Variants in LITAF observed in about 807,000 individuals in gnomAD.
LITAF encodes the protein lipopolysaccharide-induced tumor necrosis factor-alpha factor.
Under a neutral mutation model 14.5 loss-of-function variants are expected in LITAF, and 9 were observed. That is an observed-to-expected ratio of 0.62 (90% CI 0.37 to 1.08). The LOEUF is 1.08. Among genes scored for constraint, LITAF ranks in the 50% least tolerant of loss-of-function variants. The pLI is 0.01. For synonymous variants in LITAF, 98 were observed against 88.2 expected (o/e 1.11, Z -0.62); for missense variants, 206 against 213.4 (o/e 0.97, Z 0.22).
At chr16:11,567,073 T>C (rs1363171585) in intron 1 of LITAF, among the ~76,000 whole-genome samples, 1 of 152,134 alleles carries the variant, frequency 6.6e-6, no homozygotes, top group Non-Finnish European at 1.5e-5. Flanking sequence ...GTATTGTTTC[T>C]CAACAGGGCA....
At chr16:11,636,629 A>T (rs1297348728), upstream of LITAF, among the ~76,000 whole-genome samples, 2 of 152,142 alleles carry the variant, frequency 1.3e-5, no homozygotes, top group African/African-American at 4.8e-5. Flanking sequence ...ACACACGATG[A>T]CAAAGAAAAG....
intron 1 of LITAF, among the ~76,000 whole-genome samples, chr16:11,579,081 C>T (rs1429129814): frequency 6.6e-6 from 1 of 152,006 alleles, no homozygotes; most frequent in African/African-American, 2.4e-5. Flanking sequence ...CCCAGCTACT[C>T]GGGAGGCTGA....
At chr16:11,639,067 GGGATGGAT>G (rs571275518), upstream of LITAF, among the ~76,000 whole-genome samples, 3 of 152,000 alleles carry the variant, frequency 2.0e-5, no homozygotes, top group African/African-American at 7.3e-5. Flanking sequence ...GAGGGATAGA[GGGATGGAT>G]GGATGGATGA....
chr16:11,558,263 G>T lies in LITAF; in HGVS notation c.-5-1528C>A, dbSNP rs4273053. ...GACTTCTCTGGAGGAACCGAAGAAA[G>T]GGTATTCACCTCAAAGTGGAAACAG... On this transcript the variant is annotated intron_variant, in intron 1 of 3. Transcript: ENST00000622633. The surrounding 1 kb of genome is among the most constrained non-coding windows in gnomAD (Gnocchi z 4.1). Among the ~76,000 whole-genome samples, 1,427 of 152,146 alleles carry T rather than the reference G, an allele frequency of 9.4e-3. 16 individuals carry two copies. Among genetic ancestry groups the T allele is most frequent in the African/African-American group, 0.032 (1,342 of 41,488 alleles).
chr16:11,626,908 T>A (rs1337670890), intron 3 of LITAF, among the ~76,000 whole-genome samples: 1 of 152,024 alleles, frequency 6.6e-6, no homozygotes, highest in Non-Finnish European at 1.5e-5. Flanking sequence ...AGTGGCACGA[T>A]CTTGGCTCAC....
At chr16:11,576,552 A>AAAAAG (rs1567248875) in intron 1 of LITAF, among the ~76,000 whole-genome samples, 1 of 77,524 alleles carries the variant, frequency 1.3e-5, no homozygotes, top group African/African-American at 4.7e-5. Context: ...AAAAAAAAAA[A>AAAAAG]AAAGAGAGAG....
intron 1 of LITAF, among the ~76,000 whole-genome samples, chr16:11,579,222 C>A (rs186038827): frequency 0.011 from 1,725 of 151,750 alleles, 36 homozygotes; most frequent in African/African-American, 0.04. Flanking sequence ...GAGGCCGAGG[C>A]AGGTGGATCA....
chr16:11,550,020 C>A (rs2064160562), intron 3 of LITAF, among the ~76,000 whole-genome samples: 2 of 152,186 alleles, frequency 1.3e-5, no homozygotes, highest in Non-Finnish European at 2.9e-5. Flanking sequence ...GCCAAGGACA[C>A]CTGGACCTAC....
upstream of LITAF, among the ~76,000 whole-genome samples, chr16:11,591,775 G>T (rs1277236122): frequency 6.6e-6 from 1 of 152,020 alleles, no homozygotes; most frequent in East Asian, 1.9e-4. Context: ...CAGGTAGCTG[G>T]AATTACAGGC....
At chr16:11,597,883 G>A (rs1390877112) in intron 1 of LITAF, among the ~76,000 whole-genome samples, 1 of 152,134 alleles carries the variant, frequency 6.6e-6, no homozygotes, top group Non-Finnish European at 1.5e-5. Flanking sequence ...CTGGAAATGG[G>A]ACAAAACCCA....
At chr16:11,580,563 C>G (rs1357701594) in intron 1 of LITAF, among the ~76,000 whole-genome samples, 1 of 151,784 alleles carries the variant, frequency 6.6e-6, no homozygotes, top group African/African-American at 2.4e-5. Context: ...GCTGGAAGAT[C>G]TTAACTTAGG....
At chr16:11,637,028 G>A (rs62040586), upstream of LITAF, among the ~76,000 whole-genome samples, 44,927 of 151,702 alleles carry the variant, frequency 0.3, 6,966 homozygotes, top group African/African-American at 0.38. Flanking sequence ...CACCACCAGC[G>A]TGCTCATCTG....
At chr16:11,571,581 G>A (rs1055759935) in intron 1 of LITAF, among the ~76,000 whole-genome samples, 3 of 152,186 alleles carry the variant, frequency 2.0e-5, no homozygotes, top group African/African-American at 7.2e-5. Flanking sequence ...GCACCAGGCA[G>A]AGGTCAGACC....
In LITAF at chr16:11,586,754, C is replaced by T. The variant is rs2064812377; in HGVS notation, c.-6+132G>A. 6.6e-6 allele frequency: 1 copy of T among 151,992 alleles called. No individual in the cohort carries two copies. Among genetic ancestry groups the T allele is most frequent in the Non-Finnish European group, 1.5e-5 (1 of 67,864 alleles). 9.4% of individuals were successfully genotyped at this position (151,992 alleles called of 1,614,324 possible). A position where few individuals can be genotyped will look rare whatever the true frequency, so the allele number is the denominator to read the frequency against. On this transcript the variant is annotated intron_variant, in intron 1 of 3. Transcript: ENST00000622633. This position sits in a 1 kb window ranked among gnomAD's most constrained non-coding sequence, Gnocchi z 6.5. ...GCGCCTCGATGCCCGCGACCCGACCCGCGCCCCCTGGCATCCCAGGAGGCC... is the reference window on the plus strand; with the variant it reads ...GCGCCTCGATGCCCGCGACCCGACCTGCGCCCCCTGGCATCCCAGGAGGCC...
intron 1 of LITAF, among the ~76,000 whole-genome samples, chr16:11,596,291 G>T (rs938897968): frequency 1.3e-5 from 2 of 151,952 alleles, no homozygotes; most frequent in African/African-American, 4.8e-5. Flanking sequence ...CCTGTAAACC[G>T]CAGGAAGAGC....
At chr16:11,620,492 C>G (rs1295287043) in intron 3 of LITAF, among the ~76,000 whole-genome samples, 4 of 152,168 alleles carry the variant, frequency 2.6e-5, no homozygotes, top group African/African-American at 9.7e-5. Flanking sequence ...ACTTCCTGTA[C>G]AGCCTGCAGA....
intron 1 of LITAF, among the ~76,000 whole-genome samples, chr16:11,579,715 G>C (rs1356553630): frequency 6.6e-6 from 1 of 152,090 alleles, no homozygotes; most frequent in Non-Finnish European, 1.5e-5. Flanking sequence ...ACCAGGAACT[G>C]GGTGAGGAAC....
chr16:11,551,292 C>T (rs894848030), intron 3 of LITAF, among the ~76,000 whole-genome samples: 1 of 152,178 alleles, frequency 6.6e-6, no homozygotes, highest in South Asian at 2.1e-4. Flanking sequence ...CTTACAGGTG[C>T]AGGCACGGCT....
intron 1 of LITAF, among the ~76,000 whole-genome samples, chr16:11,596,138 C>T (rs1161110521): frequency 6.6e-6 from 1 of 152,098 alleles, no homozygotes. Flanking sequence ...GTCAACCCTT[C>T]CCCTCGGGGT....
Sources: gnomAD v4.1 joint callset for allele counts (sites outside exome capture counted in the v4.1 genomes callset) on GRCh38, gnomAD v4.1.1 for gene constraint, Gnocchi (gnomAD v3.1) non-coding constraint, MANE v1.5 for transcripts, NCBI Gene and HGNC (gene_info 2026-07-23, HGNC 2026-07-21) for gene names.